PRKX: variants seen among roughly 807,000 people sequenced by gnomAD.
PRKX encodes cAMP-dependent protein kinase catalytic subunit PRKX.
PRKX carries 12 observed loss-of-function variants against 22.0 expected under a neutral mutation model. The observed-to-expected ratio is 0.54, with a 90% CI of 0.35 to 0.88. The LOEUF is 0.88. Among genes scored for constraint, PRKX ranks in the 40% least tolerant of loss-of-function variants. The probability of loss-of-function intolerance (pLI) is 0.01; values close to 1 mark genes in which losing one functional copy is unlikely to be tolerated. For missense variants in PRKX, 217 were observed against 308.0 expected, an observed-to-expected ratio of 0.70 and a Z score of 2.21; for synonymous variants, 134 against 137.7, an observed-to-expected ratio of 0.97 and a Z score of 0.19.
chrX:3,653,667 GTGATATATATAATATATATAA>G, intron 3 of PRKX, among the ~76,000 whole-genome samples: 1 of 68,033 alleles, frequency 1.5e-5, no homozygotes, highest in African/African-American at 5.6e-5. Context: ...AATATACTAT[GTGATATATATAATATATATAA>G]TATACTATGT....
chrX:3,607,783 A>G lies in PRKX; in HGVS notation c.*1186T>C, dbSNP rs1926209713. On this transcript the variant is annotated 3_prime_UTR_variant, in exon 9 of 9. Transcript: ENST00000262848. ...CAGCTTCCCAAAGTCCCAGGGTTAC[A>G]GGAGTGCACCACCGCACCCAGCTTC... is the stretch of plus-strand genomic sequence containing the variant. The G allele has an allele frequency of 1.8e-5, 2 of 110,147 alleles. No homozygotes were observed. The highest frequency in any genetic ancestry group is 3.3e-5 in the African/African-American group (1 of 30,176). The allele number at this position is 110,147 out of a possible 1,213,427, so 9.1% of individuals were successfully genotyped here.
intron 6 of PRKX, among the ~76,000 whole-genome samples, chrX:3,617,954 G>C (rs754965021): frequency 9.3e-6 from 1 of 107,036 alleles, no homozygotes; most frequent in South Asian, 4.2e-4. Flanking sequence ...TGTTCTTTTT[G>C]GGGGGGCGGG....
rs111589474 is a variant in PRKX, at chrX:3,608,496, G to T, written c.*473C>A. 1 of 106,870 alleles carries T rather than the reference G, an allele frequency of 9.4e-6. No individual in the cohort carries two copies. The highest frequency in any genetic ancestry group is 3.4e-5 in the African/African-American group (1 of 29,277). The allele number at this position is 106,870 out of a possible 1,213,427, so 8.8% of individuals were successfully genotyped here. A position where few individuals can be genotyped will look rare whatever the true frequency, so the allele number is the denominator to read the frequency against. ...AACAAATTGAAAAATAAAAATTATAGGCTCTGTAAAGTATGAACATTTACA... is the reference window on the plus strand; with the variant it reads ...AACAAATTGAAAAATAAAAATTATATGCTCTGTAAAGTATGAACATTTACA... On this transcript the variant is annotated 3_prime_UTR_variant, in exon 9 of 9. Coordinates refer to ENST00000262848, the MANE Select transcript of PRKX (RefSeq NM_005044.5).
At position 3,713,360 on chromosome X, in the gene PRKX, G is replaced by T. The variant is rs763694115; in HGVS notation, c.-107C>A. ...CGGCGCGGCGGCGGCATCAACAGAG[G>T]CTCCCCATGCGCGCTCTCGCCTCCT... On this transcript the variant is annotated 5_prime_UTR_variant, in exon 1 of 9. Coordinates refer to ENST00000262848, the MANE Select transcript of PRKX (RefSeq NM_005044.5). 3.8e-3 allele frequency: 2,630 copies of T among 688,641 alleles called. 2 individuals carry two copies. Among genetic ancestry groups the T allele is most frequent in the Non-Finnish European group, 4.6e-3 (2,415 of 529,558 alleles). The allele number at this position is 688,641 out of a possible 1,213,427, so 56.8% of individuals were successfully genotyped here.
chrX:3,662,998 T>TA (rs56411206), intron 2 of PRKX, among the ~76,000 whole-genome samples: 13,130 of 78,199 alleles, frequency 0.17, 1,185 homozygotes, highest in East Asian at 0.31. Context: ...GCCCTGTCTT[T>TA]AAAAAAAAAA....
intron 1 of PRKX, among the ~76,000 whole-genome samples, chrX:3,704,127 A>G (rs112293446): frequency 0.057 from 6,351 of 111,903 alleles, 427 homozygotes; most frequent in African/African-American, 0.19. Context: ...ATGCCCACCC[A>G]AGAAATGCAG....
At chrX:3,619,849 G>A (rs1298468239) in intron 6 of PRKX, among the ~76,000 whole-genome samples, 3 of 111,278 alleles carry the variant, frequency 2.7e-5, no homozygotes, top group South Asian at 7.6e-4. Context: ...CTCACACCCC[G>A]GTGTACTGTG....
chrX:3,617,221 A>G (rs1237120080), intron 6 of PRKX, among the ~76,000 whole-genome samples: 1 of 106,131 alleles, frequency 9.4e-6, no homozygotes, highest in East Asian at 2.8e-4. Flanking sequence ...GTTAATATAT[A>G]CACATGTATT....
At chrX:3,620,783 G>A (rs1337788904) in intron 6 of PRKX, among the ~76,000 whole-genome samples, 1 of 111,902 alleles carries the variant, frequency 8.9e-6, no homozygotes, top group Non-Finnish European at 1.9e-5. Flanking sequence ...TAACTGAAGG[G>A]TGCAGGGTTT....
Position 3,661,960 on chromosome X carries a change from C to T in PRKX, c.336-6548G>A, listed in dbSNP as rs144452927. Among the ~76,000 whole-genome samples, 81 of 112,135 alleles carry T rather than the reference C, an allele frequency of 7.2e-4. 1 individual carries two copies. In the East Asian group the frequency reaches 0.02, roughly 28 times the overall value. ...TAACACTTACTGTACATACTAGCCT[C>T]AGCAATCAATGAATTCATCAACACA... On this transcript the variant is annotated intron_variant, in intron 2 of 8. Transcript: ENST00000262848.
chrX:3,662,365 G>A (rs1386524658), intron 2 of PRKX, among the ~76,000 whole-genome samples: 27 of 110,970 alleles, frequency 2.4e-4, no homozygotes, highest in African/African-American at 8.9e-4. Context: ...CTCAAAACCA[G>A]CCTAGGCAAC....
At chrX:3,689,774 G>C (rs898885283) in intron 1 of PRKX, among the ~76,000 whole-genome samples, 1 of 111,678 alleles carries the variant, frequency 9.0e-6, no homozygotes, top group Non-Finnish European at 1.9e-5. Flanking sequence ...TCAGGAGATC[G>C]AGACCATCCT....
chrX:3,651,757 A>T (rs1927338562), intron 3 of PRKX, among the ~76,000 whole-genome samples: 1 of 111,573 alleles, frequency 9.0e-6, no homozygotes, highest in South Asian at 3.8e-4. Flanking sequence ...ACCCCACCAC[A>T]TCAAAGAATA....
intron 7 of PRKX, among the ~76,000 whole-genome samples, chrX:3,614,995 T>C (rs1457042047): frequency 3.0e-5 from 3 of 98,578 alleles, no homozygotes; most frequent in Non-Finnish European, 6.0e-5. Flanking sequence ...GTATTATACA[T>C]TGAAAAAAAT....
At chrX:3,664,746 G>T (rs1430942335) in intron 2 of PRKX, among the ~76,000 whole-genome samples, 2 of 112,295 alleles carry the variant, frequency 1.8e-5, no homozygotes, top group African/African-American at 6.5e-5. Context: ...TCACTCAAAA[G>T]TAGGAGCTCA....
intron 4 of PRKX, among the ~76,000 whole-genome samples, chrX:3,633,231 C>T (rs1485434746): frequency 1.0e-5 from 1 of 98,480 alleles, no homozygotes; most frequent in Non-Finnish European, 2.0e-5. Flanking sequence ...CCAATCTGGA[C>T]ACAGAACAAG....
At chrX:3,672,802 C>T (rs1335536806) in intron 2 of PRKX, among the ~76,000 whole-genome samples, 2 of 111,008 alleles carry the variant, frequency 1.8e-5, no homozygotes, top group Non-Finnish European at 3.8e-5. Flanking sequence ...AGGACTGCTT[C>T]AGGCCAGGAG....
At chrX:3,697,392 C>T (rs1311195956) in intron 1 of PRKX, among the ~76,000 whole-genome samples, 2 of 111,311 alleles carry the variant, frequency 1.8e-5, no homozygotes, top group Non-Finnish European at 3.8e-5. Context: ...AAGTCACTTG[C>T]TCTATCTTCA....
At chrX:3,650,021 T>C (rs67126235) in intron 3 of PRKX, among the ~76,000 whole-genome samples, 34,283 of 108,450 alleles carry the variant, frequency 0.32, 4,437 homozygotes, top group East Asian at 0.58. Flanking sequence ...AGCCTGTAGT[T>C]GCAGCTACTT....
Sources: allele counts gnomAD v4.1 joint callset (sites outside exome capture counted in the v4.1 genomes callset), GRCh38; gene constraint gnomAD v4.1.1; transcripts MANE v1.5; gene names NCBI Gene and HGNC (gene_info 2026-07-23, HGNC 2026-07-21).